GPM6A: variants seen among roughly 807,000 people sequenced by gnomAD.
The protein encoded by GPM6A is glycoprotein M6A.
Under a neutral mutation model 32.1 loss-of-function variants are expected in GPM6A, and 7 were observed. The observed-to-expected ratio is 0.22, with a 90% confidence interval of 0.12 to 0.41. The LOEUF is 0.41. Ranked by LOEUF, GPM6A falls within the 10% of genes least tolerant of loss-of-function variation. The probability of loss-of-function intolerance (pLI) is 1.00; values close to 1 mark genes in which losing one functional copy is unlikely to be tolerated. For missense variants in GPM6A, 235 were observed against 347.2 expected, an observed-to-expected ratio of 0.68 and a Z score of 2.57; for synonymous variants, 130 against 123.4, an observed-to-expected ratio of 1.05 and a Z score of -0.35.
intron 1 of GPM6A, among the ~76,000 whole-genome samples, chr4:175,821,680 T>A (rs1735283220): frequency 1.3e-5 from 2 of 152,020 alleles, no homozygotes; most frequent in Non-Finnish European, 2.9e-5. Flanking sequence ...TTTTTTTTTG[T>A]TTTTATTCCT....
intron 1 of GPM6A, among the ~76,000 whole-genome samples, chr4:175,724,930 C>A (rs1407044315): frequency 6.6e-6 from 1 of 152,134 alleles, no homozygotes; most frequent in Non-Finnish European, 1.5e-5. Flanking sequence ...GTCACTAACA[C>A]CCACTACACA....
chr4:175,959,744 A>G (rs1403793259), intron 1 of GPM6A, among the ~76,000 whole-genome samples: 1 of 152,200 alleles, frequency 6.6e-6, no homozygotes, highest in East Asian at 1.9e-4. Context: ...TGAAATTAGT[A>G]GAGTGAAAGG....
chr4:175,787,190 A>G, intron 1 of GPM6A: 1 of 617,550 alleles, frequency 1.6e-6, no homozygotes, highest in Non-Finnish European at 2.9e-6. Flanking sequence ...CATCCTTTTC[A>G]TTGGATGTGA....
chr4:175,923,215 T>TTATATATATATA (rs201557656), intron 1 of GPM6A, among the ~76,000 whole-genome samples: 2 of 26,742 alleles, frequency 7.5e-5, no homozygotes, highest in African/African-American at 1.5e-4. Flanking sequence ...ATAACATGAT[T>TTATATATATATA]TATATATATA....
intron 1 of GPM6A, among the ~76,000 whole-genome samples, chr4:175,885,349 G>C (rs1404812279): frequency 6.6e-6 from 1 of 152,230 alleles, no homozygotes; most frequent in Non-Finnish European, 1.5e-5. Context: ...GGAATAGATA[G>C]TGTTTAAATT....
rs1402190726 is a variant in GPM6A, at chr4:175,651,704, G to A, written c.541+130C>T. 32 of 703,120 alleles carry A rather than the reference G, an allele frequency of 4.6e-5. 1 individual carries two copies. The South Asian group carries it at 4.6e-4, about 10-fold the overall frequency. The allele number at this position is 703,120 out of a possible 1,614,324, so 43.6% of individuals were successfully genotyped here. On this transcript the variant is annotated intron_variant, in intron 4 of 6. Transcript: ENST00000393658. Reference sequence around the variant, plus strand: ...GGAATAGCCTTAGCAGTAATACTCTGATAAATTTATCTCTGTGGTAGAAAA... The same window carrying A: ...GGAATAGCCTTAGCAGTAATACTCTAATAAATTTATCTCTGTGGTAGAAAA...
chr4:175,920,468 A>T (rs1738630218), intron 1 of GPM6A, among the ~76,000 whole-genome samples: 1 of 152,246 alleles, frequency 6.6e-6, no homozygotes, highest in Non-Finnish European at 1.5e-5. Context: ...TGGTAGTGTT[A>T]ATCTAGATGA....
intron 3 of GPM6A, among the ~76,000 whole-genome samples, chr4:175,654,722 G>C (rs1314782460): frequency 6.6e-6 from 1 of 151,994 alleles, no homozygotes; most frequent in Admixed American, 6.6e-5. Flanking sequence ...CTTCTTAAAA[G>C]AACACCTTTG....
At chr4:175,866,827 TA>T (rs1235408394) in intron 1 of GPM6A, among the ~76,000 whole-genome samples, 1 of 152,214 alleles carries the variant, frequency 6.6e-6, no homozygotes, top group East Asian at 1.9e-4. Context: ...TTTACTTTTG[TA>T]AGAAACCACC....
chr4:175,745,237 C>T (rs2581754), intron 1 of GPM6A, among the ~76,000 whole-genome samples: 5 of 151,926 alleles, frequency 3.3e-5, no homozygotes. Context: ...TTTTAAACAT[C>T]GCCTAAGACT....
At position 175,764,511 on chromosome 4, in the gene GPM6A, T is replaced by G. The variant is rs1163089992; in HGVS notation, c.37+47680A>C. Among the ~76,000 whole-genome samples, 3 of 152,322 alleles carry G rather than the reference T, an allele frequency of 2.0e-5. No individual in the cohort carries two copies. In the South Asian group the frequency reaches 6.2e-4, roughly 32 times the overall value. On this transcript the variant is annotated intron_variant, in intron 1 of 6. Coordinates refer to ENST00000393658, the MANE Select transcript of GPM6A (RefSeq NM_201591.3). ...GATAACGTATGTCATGTGATAGGCT[T>G]CTTTTCCAAATAAAAATTAAGAAAA...
chr4:175,640,135 A>G lies in GPM6A; in HGVS notation c.678T>C (p.Ile226=), dbSNP rs1275687847. 1.9e-6 allele frequency: 3 copies of G among 1,612,764 alleles called. No individual in the cohort carries two copies. The highest frequency in any genetic ancestry group is 2.5e-6 in the Non-Finnish European group (3 of 1,178,874). ...CAGCGCTTTGAGGTCTTACCATAGC[A>G]ATGACTGCTGCCCCAGCTCCAGCAA... is the stretch of plus-strand genomic sequence containing the variant. The part of the protein sequence containing the change: ...VALAGAGAAV[I]AMVHYLMVLS... Residue 226 remains isoleucine (I), a synonymous_variant, in exon 6 of 7, where the codon ATT becomes ATC. Coordinates refer to ENST00000393658, the MANE Select transcript of GPM6A (RefSeq NM_201591.3).
At chr4:175,759,991 C>G (rs1335419173) in intron 1 of GPM6A, among the ~76,000 whole-genome samples, 1 of 151,988 alleles carries the variant, frequency 6.6e-6, no homozygotes, top group Non-Finnish European at 1.5e-5. Context: ...ACCAGCCTGG[C>G]CAACATGGTG....
At chr4:175,905,741 AATC>A (rs1293488586) in intron 1 of GPM6A, among the ~76,000 whole-genome samples, 1 of 152,118 alleles carries the variant, frequency 6.6e-6, no homozygotes, top group Non-Finnish European at 1.5e-5. Flanking sequence ...AATATTAAGG[AATC>A]ATCTAAAAAT....
At chr4:175,761,994 A>G (rs1334282108) in intron 1 of GPM6A, among the ~76,000 whole-genome samples, 1 of 152,110 alleles carries the variant, frequency 6.6e-6, no homozygotes, top group Non-Finnish European at 1.5e-5. Flanking sequence ...AGGTTTCACT[A>G]TATGGGTCAG....
chr4:175,788,000 A>G (rs1733866270), intron 1 of GPM6A: 1 of 150,896 alleles, frequency 6.6e-6, no homozygotes, highest in Non-Finnish European at 1.5e-5. Flanking sequence ...CCATTGTTTC[A>G]TCTTTTCTTC....
chr4:175,687,743 A>AC (rs1160029546), intron 2 of GPM6A, among the ~76,000 whole-genome samples: 1 of 152,194 alleles, frequency 6.6e-6, no homozygotes, highest in Non-Finnish European at 1.5e-5. Context: ...TTTCCAAGGA[A>AC]CTGCCAAACT....
At chr4:175,707,538 T>C (rs1488403568) in intron 1 of GPM6A, among the ~76,000 whole-genome samples, 1 of 152,246 alleles carries the variant, frequency 6.6e-6, no homozygotes, top group Non-Finnish European at 1.5e-5. Context: ...CCACAAACTT[T>C]AAAATTCTTT....
chr4:175,649,017 A>G (rs1466785080), intron 4 of GPM6A, among the ~76,000 whole-genome samples: 1 of 152,212 alleles, frequency 6.6e-6, no homozygotes, highest in Non-Finnish European at 1.5e-5. Flanking sequence ...ACTCAAGATT[A>G]TAGTTGAAAA....
Sources: gnomAD v4.1 joint callset for allele counts (sites outside exome capture counted in the v4.1 genomes callset) on GRCh38, gnomAD v4.1.1 for gene constraint, MANE v1.5 for transcripts, NCBI Gene and HGNC (gene_info 2026-07-23, HGNC 2026-07-21) for gene names.